The following OSBP2 variants were observed in gnomAD, a reference collection of about 807,000 sequenced individuals.
The protein encoded by OSBP2 is oxysterol binding protein 2, also known as oxysterol-binding protein 2.
A neutral mutation model predicts 96.0 loss-of-function variants in OSBP2; 66 were observed. The observed-to-expected ratio is 0.69, with a 90% CI of 0.56 to 0.84. The LOEUF (loss-of-function observed/expected upper bound fraction) is 0.84. OSBP2 is among the 40% of genes least tolerant of loss of function. OSBP2 has a pLI of 0.00. For synonymous variants in OSBP2, 525 were observed against 520.9 expected, an observed-to-expected ratio of 1.01 and a Z score of -0.11; for missense variants, 1,038 against 1,222.7, an observed-to-expected ratio of 0.85 and a Z score of 2.25.
chr22:30,733,998 G>A (rs2089816936), intron 1 of OSBP2, among the ~76,000 whole-genome samples: 1 of 151,286 alleles, frequency 6.6e-6, no homozygotes, highest in African/African-American at 2.4e-5. Context: ...TTTTTGAGAC[G>A]GAGTTTAGCT....
chr22:30,837,295 A>T (rs1267765639), intron 2 of OSBP2, among the ~76,000 whole-genome samples: 2 of 151,184 alleles, frequency 1.3e-5, no homozygotes, highest in African/African-American at 2.4e-5. Flanking sequence ...AAGTTTGCCC[A>T]TAACCCTAAT....
chr22:30,843,925 G>C (rs578051332), intron 2 of OSBP2, among the ~76,000 whole-genome samples: 1 of 151,318 alleles, frequency 6.6e-6, no homozygotes, highest in East Asian at 2.0e-4. Context: ...CCAGGCCGGA[G>C]TGCAGTGGAG....
chr22:30,904,814 A>G (rs897389186), intron 12 of OSBP2, among the ~76,000 whole-genome samples: 2 of 152,208 alleles, frequency 1.3e-5, no homozygotes, highest in Admixed American at 6.5e-5. Context: ...ACTCCAAGGC[A>G]ATTATACTAG....
intron 8 of OSBP2, among the ~76,000 whole-genome samples, chr22:30,892,418 C>T (rs537694847): frequency 2.0e-5 from 3 of 152,108 alleles, no homozygotes; most frequent in East Asian, 3.9e-4. Flanking sequence ...AGCGGGATCC[C>T]GGCTCTGCCT....
intron 2 of OSBP2, among the ~76,000 whole-genome samples, chr22:30,757,929 G>A (rs1163015096): frequency 1.3e-5 from 2 of 152,146 alleles, no homozygotes; most frequent in Non-Finnish European, 2.9e-5. Flanking sequence ...GATCCTGTCA[G>A]TGCCAGACCT....
intron 2 of OSBP2, among the ~76,000 whole-genome samples, chr22:30,813,063 G>A (rs1427620701): frequency 6.6e-6 from 1 of 151,092 alleles, no homozygotes; most frequent in East Asian, 1.9e-4. Context: ...CACTGTTTTT[G>A]TGGTGCTGTG....
chr22:30,720,333 T>C (rs896357624), intron 1 of OSBP2, among the ~76,000 whole-genome samples: 2 of 152,172 alleles, frequency 1.3e-5, no homozygotes, highest in East Asian at 1.9e-4. Context: ...GCTGCGGTCA[T>C]TTGAAGGCTT....
At position 30,887,616 on chromosome 22, in the gene OSBP2, A is replaced by T; in HGVS notation, c.1298A>T (p.Glu433Val). 6.3e-7 allele frequency: 1 copy of T among 1,593,488 alleles called. No homozygotes were observed. Among genetic ancestry groups the T allele is most frequent in the African/African-American group, 1.3e-5 (1 of 74,588 alleles). ...RPANPSKSFI[E>V]GSLLTPKGED... The stretch of plus-strand genomic sequence containing the variant: ...GCCAACCCCTCCAAGAGCTTCATTG[A>T]GGGTGAGTGGGCAGCCAGGGCAGGG... Residue 433 changes from glutamate to valine, a missense_variant and splice_region_variant, in exon 4 of 14, where the codon GAG becomes GTG. Glu to Val is a moderately radical substitution (Grantham distance 121). This residue lies in a region of OSBP2 where 737 missense variants were observed against 913.3 expected (regional missense o/e 0.81). Transcript: ENST00000332585.
At chr22:30,845,759 G>A (rs184401872) in intron 2 of OSBP2, among the ~76,000 whole-genome samples, 3 of 151,388 alleles carry the variant, frequency 2.0e-5, no homozygotes, top group African/African-American at 7.3e-5. Flanking sequence ...GCACGTGCCT[G>A]TAATCCCAGC....
At position 30,704,353 on chromosome 22, in the gene OSBP2, G is replaced by A. The variant is rs536622083; in HGVS notation, c.644+8800G>A. Among the ~76,000 whole-genome samples, 44 of 152,214 alleles carry A rather than the reference G, an allele frequency of 2.9e-4. No individual in the cohort carries two copies. The South Asian group carries it at 8.9e-3, about 31-fold the overall frequency. On this transcript the variant is annotated intron_variant, in intron 1 of 13. Coordinates refer to ENST00000332585, the MANE Select transcript of OSBP2 (RefSeq NM_030758.4). ...CTCTCCCAGTGGAGTCACACAAGAT[G>A]CGCTTAATCCCTCCACCACCGAGTT...
intron 2 of OSBP2, among the ~76,000 whole-genome samples, chr22:30,787,855 G>A (rs1207160794): frequency 1.3e-5 from 2 of 152,144 alleles, no homozygotes; most frequent in Non-Finnish European, 2.9e-5. Flanking sequence ...TTGGAGGGGT[G>A]TTAGCTGGAG....
At chr22:30,806,274 C>T (rs891902969) in intron 2 of OSBP2, among the ~76,000 whole-genome samples, 1 of 152,198 alleles carries the variant, frequency 6.6e-6, no homozygotes, top group African/African-American at 2.4e-5. Flanking sequence ...CGGAGTCACC[C>T]CAATCTCCAG....
chr22:30,722,408 C>A (rs5749157), intron 1 of OSBP2, among the ~76,000 whole-genome samples: 19,832 of 152,198 alleles, frequency 0.13, 1,994 homozygotes, highest in East Asian at 0.38. Context: ...CAAATCCCAC[C>A]CAACCTTAAC....
chr22:30,766,434 T>C (rs1403024658), intron 2 of OSBP2, among the ~76,000 whole-genome samples: 1 of 152,192 alleles, frequency 6.6e-6, no homozygotes, highest in East Asian at 1.9e-4. Flanking sequence ...TTTGAACAAA[T>C]AAACATATCT....
chr22:30,767,198 C>G (rs991211214), intron 2 of OSBP2, among the ~76,000 whole-genome samples: 12 of 148,742 alleles, frequency 8.1e-5, no homozygotes, highest in Non-Finnish European at 1.6e-4. Flanking sequence ...AAATCCCAGG[C>G]ACTCTGGAGG....
At chr22:30,778,170 C>CTTTTTTTTTTT (rs71202014) in intron 2 of OSBP2, among the ~76,000 whole-genome samples, 2 of 67,018 alleles carry the variant, frequency 3.0e-5, no homozygotes, top group East Asian at 4.2e-4. Flanking sequence ...AATTTTTGCC[C>CTTTTTTTTTTT]TTTTTTTTTT....
chr22:30,715,481 ATCC>A (rs1335032795), intron 1 of OSBP2, among the ~76,000 whole-genome samples: 1 of 149,406 alleles, frequency 6.7e-6, no homozygotes, highest in Admixed American at 6.7e-5. Flanking sequence ...GGCTCAAGTG[ATCC>A]TCCCACCTCA....
intron 1 of OSBP2, among the ~76,000 whole-genome samples, chr22:30,725,616 G>A (rs952925597): frequency 1.3e-5 from 2 of 151,684 alleles, no homozygotes; most frequent in Non-Finnish European, 2.9e-5. Flanking sequence ...ATGGACCAGG[G>A]CAAGTGATTT....
intron 2 of OSBP2, among the ~76,000 whole-genome samples, chr22:30,858,132 TTTGTTTGTTTGTTTGTTTG>T (rs2039118789): frequency 2.3e-5 from 2 of 88,110 alleles, no homozygotes; most frequent in East Asian, 8.1e-4. Context: ...TTTTTTTTTG[TTTGTTTGTTTGTTTGTTTG>T]TTTTTTGAGA....
Sources: gnomAD v4.1 joint callset for allele counts (sites outside exome capture counted in the v4.1 genomes callset) on GRCh38, gnomAD v4.1.1 for gene constraint, gnomAD v4.1.1 regional missense constraint, MANE v1.5 for transcripts, NCBI Gene and HGNC (gene_info 2026-07-23, HGNC 2026-07-21) for gene names.